SH3GL2: variants seen among roughly 807,000 people sequenced by gnomAD.
SH3GL2 encodes the protein SH3 domain containing GRB2 like 2, endophilin A1.
A neutral mutation model predicts 46.0 loss-of-function variants in SH3GL2; 24 were observed. The observed-to-expected ratio is 0.52, with a 90% CI of 0.38 to 0.73. SH3GL2 has a LOEUF of 0.73. Among genes scored for constraint, SH3GL2 ranks in the 30% least tolerant of loss-of-function variants. The pLI is 0.00. For synonymous variants in SH3GL2, 196 were observed against 147.1 expected (o/e 1.33, Z -2.40); for missense variants, 413 against 424.2 (o/e 0.97, Z 0.23).
At chr9:17,653,853 G>C (rs1820008968) in intron 1 of SH3GL2, 2 of 981,090 alleles carry the variant, frequency 2.0e-6, no homozygotes, top group Admixed American at 1.2e-4. Flanking sequence ...AACATTCATG[G>C]AGACATTAAC....
chr9:17,741,930 C>T lies in SH3GL2; in HGVS notation c.46-5136C>T, dbSNP rs532353686. Among the ~76,000 whole-genome samples the T allele has an allele frequency of 4.5e-4, 68 of 151,780 alleles. 1 individual carries two copies. Among genetic ancestry groups the T allele is most frequent in the Non-Finnish European group, 8.5e-4 (58 of 67,910 alleles). On this transcript the variant is annotated intron_variant, in intron 1 of 8. Transcript: ENST00000380607. ...ATGGAGAAGGTGTCATCTGGGTGGG[C>T]GTTTTTGGCAATTGGTAGAATTTGA...
chr9:17,586,757 C>T (rs1303648522), intron 1 of SH3GL2, among the ~76,000 whole-genome samples: 1 of 152,144 alleles, frequency 6.6e-6, no homozygotes, highest in Non-Finnish European at 1.5e-5. Flanking sequence ...GGTAACCACC[C>T]CTATGATTCA....
At chr9:17,671,495 T>G (rs1433121809) in intron 1 of SH3GL2, among the ~76,000 whole-genome samples, 1 of 152,168 alleles carries the variant, frequency 6.6e-6, no homozygotes, top group Non-Finnish European at 1.5e-5. Context: ...ATAATTAGAT[T>G]GATTGTATCA....
rs887778235 is a variant in SH3GL2 at position 17,796,489 on chromosome 9, A to C, written c.*746A>C. The C allele has an allele frequency of 6.6e-6, 1 of 151,946 alleles. No individual in the cohort carries two copies. Among genetic ancestry groups the C allele is most frequent in the East Asian group, 1.9e-4 (1 of 5,192 alleles). The allele number at this position is 151,946 out of a possible 1,614,324, so 9.4% of individuals were successfully genotyped here. ...GAATTGGGAAGAAATCTGGTATCCA[A>C]GCTTAAATTTCTTGCTATACAGAAA... On this transcript the variant is annotated 3_prime_UTR_variant, in exon 9 of 9. Transcript: ENST00000380607.
intron 1 of SH3GL2, among the ~76,000 whole-genome samples, chr9:17,662,811 G>A (rs909204939): frequency 6.9e-6 from 1 of 145,868 alleles, no homozygotes; most frequent in Non-Finnish European, 1.5e-5. Context: ...CCGGGTTCAA[G>A]CAATTCTGCT....
At chr9:17,702,166 A>G (rs906648932) in intron 1 of SH3GL2, among the ~76,000 whole-genome samples, 1 of 152,178 alleles carries the variant, frequency 6.6e-6, no homozygotes, top group African/African-American at 2.4e-5. Flanking sequence ...GGTTTTGGGA[A>G]AGATGGATAG....
At chr9:17,727,171 G>C (rs1822043532) in intron 1 of SH3GL2, among the ~76,000 whole-genome samples, 1 of 152,168 alleles carries the variant, frequency 6.6e-6, no homozygotes, top group Non-Finnish European at 1.5e-5. Context: ...ACATATATAA[G>C]TTTGATGGGT....
At chr9:17,788,440 A>AT in intron 5 of SH3GL2, among the ~76,000 whole-genome samples, 2 of 152,072 alleles carry the variant, frequency 1.3e-5, no homozygotes, top group Admixed American at 1.3e-4. Context: ...TTTCCTTTTC[A>AT]TTTTTTTAAC....
At chr9:17,634,174 G>A (rs1433210679) in intron 1 of SH3GL2, among the ~76,000 whole-genome samples, 2 of 152,194 alleles carry the variant, frequency 1.3e-5, no homozygotes, top group African/African-American at 2.4e-5. Flanking sequence ...GGTGGCTGTG[G>A]AGGTTGCATC....
chr9:17,740,613 G>A (rs1469584732), intron 1 of SH3GL2, among the ~76,000 whole-genome samples: 1 of 152,062 alleles, frequency 6.6e-6, no homozygotes, highest in East Asian at 1.9e-4. Context: ...ATACAGTAGT[G>A]TCCTACAGGG....
chr9:17,666,666 TG>T (rs1473565882), intron 1 of SH3GL2, among the ~76,000 whole-genome samples: 1 of 151,894 alleles, frequency 6.6e-6, no homozygotes, highest in African/African-American at 2.4e-5. Flanking sequence ...TTCTAAATAT[TG>T]GCATTTCACT....
Position 17,602,420 on chromosome 9 carries a change from T to G in SH3GL2, c.45+23133T>G, listed in dbSNP as rs146535588. The stretch of plus-strand genomic sequence containing the variant: ...TGTTTTGAACATTTTTAAAAAAGAC[T>G]TTTGCTTTCCTCTTTCTAAGTGTTT... On this transcript the variant is annotated intron_variant, in intron 1 of 8. Coordinates refer to ENST00000380607, the MANE Select transcript of SH3GL2 (RefSeq NM_003026.5). Among the ~76,000 whole-genome samples, 41 of 152,276 alleles carry G rather than the reference T, an allele frequency of 2.7e-4. No homozygotes were observed. The East Asian group carries it at 7.7e-3, about 29-fold the overall frequency.
At chr9:17,687,846 G>A (rs769398421) in intron 1 of SH3GL2, among the ~76,000 whole-genome samples, 4 of 152,034 alleles carry the variant, frequency 2.6e-5, no homozygotes, top group Admixed American at 6.6e-5. Flanking sequence ...ATTATCTGAG[G>A]CATACAATTT....
intron 1 of SH3GL2, among the ~76,000 whole-genome samples, chr9:17,684,226 C>T (rs1820845863): frequency 6.6e-6 from 1 of 151,878 alleles, no homozygotes; most frequent in Admixed American, 6.6e-5. Context: ...TGGGGAATTT[C>T]AGTAGAAAAG....
intron 1 of SH3GL2, among the ~76,000 whole-genome samples, chr9:17,613,117 G>A (rs996213165): frequency 3.3e-5 from 5 of 152,008 alleles, no homozygotes; most frequent in African/African-American, 4.8e-5. Context: ...GTCTAAATAC[G>A]GTCTTTTATT....
intron 2 of SH3GL2, among the ~76,000 whole-genome samples, chr9:17,752,489 A>T (rs1157114630): frequency 2.0e-5 from 3 of 151,832 alleles, no homozygotes; most frequent in Non-Finnish European, 4.4e-5. Context: ...TTATTTATCT[A>T]ATTTATTTAT....
chr9:17,673,632 C>G (rs1376765954), intron 1 of SH3GL2, among the ~76,000 whole-genome samples: 2 of 152,136 alleles, frequency 1.3e-5, no homozygotes, highest in African/African-American at 2.4e-5. Flanking sequence ...ACTAGCCAGC[C>G]ATGATCTCCT....
chr9:17,595,931 G>C (rs926982245), intron 1 of SH3GL2, among the ~76,000 whole-genome samples: 1 of 152,140 alleles, frequency 6.6e-6, no homozygotes, highest in South Asian at 2.1e-4. Flanking sequence ...TTCCTGGTCA[G>C]TGGGTTTATG....
At chr9:17,630,611 G>C (rs949865437) in intron 1 of SH3GL2, among the ~76,000 whole-genome samples, 5 of 152,192 alleles carry the variant, frequency 3.3e-5, no homozygotes, top group African/African-American at 1.2e-4. Context: ...GCCTTTTCTT[G>C]TTGTCTTTAA....
Sources: gnomAD v4.1 joint callset for allele counts (sites outside exome capture counted in the v4.1 genomes callset) on GRCh38, gnomAD v4.1.1 for gene constraint, MANE v1.5 for transcripts, NCBI Gene and HGNC (gene_info 2026-07-23, HGNC 2026-07-21) for gene names.